Variants in CHRNA7 observed in about 807,000 individuals in gnomAD.
CHRNA7 encodes neuronal acetylcholine receptor subunit alpha-7.
In CHRNA7, 17 loss-of-function variants were observed where a neutral mutation model predicts 48.0. That is an observed-to-expected ratio of 0.35 (90% CI 0.24 to 0.53). CHRNA7 has a LOEUF of 0.53. Ranked by LOEUF, CHRNA7 falls within the 20% of genes least tolerant of loss-of-function variation. The probability of loss-of-function intolerance (pLI) is 0.92; values close to 1 mark genes in which losing one functional copy is unlikely to be tolerated. For missense variants in CHRNA7, 155 were observed against 577.7 expected, an observed-to-expected ratio of 0.27 and a Z score of 7.50; for synonymous variants, 75 against 242.3, an observed-to-expected ratio of 0.31 and a Z score of 6.41.
chr15:32,063,111 G>A (rs866016538), intron 2 of CHRNA7, among the ~76,000 whole-genome samples: 1 of 152,182 alleles, frequency 6.6e-6, no homozygotes, highest in South Asian at 2.1e-4. Context: ...CGTGAGTGCA[G>A]CTTGCAGGAC....
intron 2 of CHRNA7, among the ~76,000 whole-genome samples, chr15:32,078,417 A>G (rs2050166264): frequency 1.3e-5 from 2 of 152,120 alleles, no homozygotes; most frequent in South Asian, 4.1e-4. Flanking sequence ...TTGTATCTAC[A>G]TTTATTTTTT....
In CHRNA7 at chr15:32,149,876, T is replaced by A. The variant is rs1419850250; in HGVS notation, c.351-4031T>A. Among the ~76,000 whole-genome samples the A allele has an allele frequency of 6.6e-6, 1 of 152,018 alleles. No individual in the cohort carries two copies. The highest frequency in any genetic ancestry group is 1.5e-5 in the Non-Finnish European group (1 of 68,018). On this transcript the variant is annotated intron_variant, in intron 4 of 9. Coordinates refer to ENST00000306901, the MANE Select transcript of CHRNA7 (RefSeq NM_000746.6). This position sits in a 1 kb window ranked among gnomAD's most constrained non-coding sequence, Gnocchi z 4.6. ...TTGAAAGAAAGGCTTGTAGGAACTT[T>A]TTTTTTTTCAGAGTTGAATCACTGA...
At chr15:32,091,729 G>A (rs2050385543) in intron 2 of CHRNA7, among the ~76,000 whole-genome samples, 1 of 152,160 alleles carries the variant, frequency 6.6e-6, no homozygotes, top group Admixed American at 6.5e-5. Flanking sequence ...TAGGCTCTCT[G>A]TGAATAACAC....
intron 4 of CHRNA7, among the ~76,000 whole-genome samples, chr15:32,132,750 C>A (rs1008858674): frequency 2.6e-5 from 4 of 152,148 alleles, no homozygotes; most frequent in African/African-American, 9.7e-5. Flanking sequence ...TAGGGCTCTA[C>A]CCCTGTGACC....
At chr15:32,157,818 C>T in intron 6 of CHRNA7, 43 bp downstream of exon 6, 2 of 1,262,440 alleles carry the variant, frequency 1.6e-6, no homozygotes, top group Non-Finnish European at 1.1e-6. Context: ...CTTTCCTATT[C>T]CTGGGCAAGC....
At chr15:32,117,744 A>C (rs1012811913) in intron 4 of CHRNA7, among the ~76,000 whole-genome samples, 7 of 152,048 alleles carry the variant, frequency 4.6e-5, no homozygotes, top group Non-Finnish European at 1.0e-4. Flanking sequence ...GCACACATGG[A>C]ATGGCATCTT....
At chr15:32,079,862 C>G (rs969286461) in intron 2 of CHRNA7, among the ~76,000 whole-genome samples, 2 of 151,520 alleles carry the variant, frequency 1.3e-5, no homozygotes, top group Admixed American at 1.3e-4. Context: ...CAAAAAAGAA[C>G]AAAGCTGGAG....
chr15:32,030,857 G>A (rs781327608), intron 1 of CHRNA7, 41 bp from the exon 2 acceptor site: 5 of 1,602,908 alleles, frequency 3.1e-6, no homozygotes, highest in Non-Finnish European at 4.3e-6. Context: ...TACCCCCGCC[G>A]GCCTGCCCTG....
chr15:32,111,689 G>A (rs368361730), intron 3 of CHRNA7, 101 bp from the exon 4 acceptor site: 1 of 667,340 alleles, frequency 1.5e-6, no homozygotes, highest in Non-Finnish European at 2.7e-6. Context: ...TATAATAAAT[G>A]TCTGGAATTC....
chr15:32,135,748 A>G (rs2051245182), intron 4 of CHRNA7, among the ~76,000 whole-genome samples: 2 of 152,230 alleles, frequency 1.3e-5, no homozygotes, highest in Admixed American at 1.3e-4. Flanking sequence ...GATATGTGAT[A>G]GGAAATGAGC....
chr15:32,076,792 ATTCATAGTT>A (rs1336143149), intron 2 of CHRNA7, among the ~76,000 whole-genome samples: 1 of 152,084 alleles, frequency 6.6e-6, no homozygotes, highest in Non-Finnish European at 1.5e-5. Context: ...GTCACCCAAA[ATTCATAGTT>A]TACATTAGTG....
chr15:32,084,009 A>C (rs2050256541), intron 2 of CHRNA7, among the ~76,000 whole-genome samples: 1 of 152,158 alleles, frequency 6.6e-6, no homozygotes, highest in Non-Finnish European at 1.5e-5. Flanking sequence ...TTTGGGCTGA[A>C]GAAGGGAGAG....
intron 2 of CHRNA7, among the ~76,000 whole-genome samples, chr15:32,033,000 T>G (rs190438986): frequency 7.5e-4 from 114 of 152,238 alleles, no homozygotes; most frequent in African/African-American, 2.7e-3. Context: ...TGTTAGAAAA[T>G]TACAAAAATA....
chr15:32,079,585 C>T (rs1301293902), intron 2 of CHRNA7, among the ~76,000 whole-genome samples: 1 of 152,012 alleles, frequency 6.6e-6, no homozygotes, highest in Non-Finnish European at 1.5e-5. Context: ...ATACAGCTAA[C>T]AAGGGAAGTG....
At chr15:32,112,008 G>A (rs2050770132) in intron 4 of CHRNA7, 109 bp downstream of exon 4, 1 of 773,288 alleles carries the variant, frequency 1.3e-6, no homozygotes, top group African/African-American at 1.7e-5. Context: ...CTATGATCTG[G>A]GGCCACTGCT....
intron 3 of CHRNA7, 175 bp downstream of exon 3, chr15:32,101,522 C>T: frequency 1.5e-6 from 1 of 661,366 alleles, no homozygotes; most frequent in East Asian, 2.6e-5. Flanking sequence ...TGAATGCTGG[C>T]TGTATGACAC....
intron 2 of CHRNA7, among the ~76,000 whole-genome samples, chr15:32,050,907 T>C (rs1423477615): frequency 6.6e-6 from 1 of 152,168 alleles, no homozygotes; most frequent in Admixed American, 6.5e-5. Context: ...TTGCTAGAGG[T>C]CCACTCCAGA....
rs183319722 is a variant in CHRNA7 at position 32,089,356 on chromosome 15, A to G, written c.196-11947A>G. ...CAGTTTTGGAAGTTTCTGTTGACACATTATCCAGCTCACTGATTCCTTGCT... is the reference window on the plus strand; with the variant it reads ...CAGTTTTGGAAGTTTCTGTTGACACGTTATCCAGCTCACTGATTCCTTGCT... On this transcript the variant is annotated intron_variant, in intron 2 of 9. Coordinates refer to ENST00000306901, the MANE Select transcript of CHRNA7 (RefSeq NM_000746.6). Among the ~76,000 whole-genome samples, 34 of 152,028 alleles carry G rather than the reference A, an allele frequency of 2.2e-4. 1 individual carries two copies. In the East Asian group the frequency reaches 2.5e-3, roughly 11 times the overall value.
intron 4 of CHRNA7, among the ~76,000 whole-genome samples, chr15:32,117,795 A>G (rs1380275588): frequency 6.6e-6 from 1 of 152,144 alleles, no homozygotes; most frequent in Non-Finnish European, 1.5e-5. Context: ...CATGGTTAAT[A>G]GCTCCTGAAA....
Sources: allele counts gnomAD v4.1 joint callset (sites outside exome capture counted in the v4.1 genomes callset), GRCh38; gene constraint gnomAD v4.1.1; non-coding constraint Gnocchi (gnomAD v3.1); transcripts MANE v1.5; gene names NCBI Gene and HGNC (gene_info 2026-07-23, HGNC 2026-07-21).